Variants in SPRY3 observed in about 807,000 individuals in gnomAD.
SPRY3 encodes the protein sprouty RTK signaling antagonist 3.
In SPRY3, 15 loss-of-function variants were observed where a neutral mutation model predicts 20.2. That is an observed-to-expected ratio of 0.74 (90% CI 0.50 to 1.14). The LOEUF is 1.14. Ranked by LOEUF, SPRY3 falls within the 50% of genes most tolerant of loss-of-function variation. The pLI, the probability that SPRY3 is intolerant of heterozygous loss-of-function variation, is 0.00. For missense variants in SPRY3, 364 were observed against 363.9 expected (o/e 1.00, Z 0.00); for synonymous variants, 143 against 136.5 (o/e 1.05, Z -0.33).
chrX:155,780,728 G>A (rs183797696), downstream of SPRY3: 6 of 166,918 alleles, frequency 3.6e-5, no homozygotes, highest in Admixed American at 3.9e-4. Context: ...CTTTACTCGT[G>A]AATTTTTTTC....
intron 2 of SPRY3, among the ~76,000 whole-genome samples, chrX:155,741,961 C>A (rs2091206079): frequency 6.6e-6 from 1 of 152,140 alleles, no homozygotes; most frequent in Non-Finnish European, 1.5e-5. Context: ...AACCAGCTAG[C>A]ATCATGATGA....
downstream of SPRY3, chrX:155,778,519 A>T (rs1470894411): frequency 7.9e-6 from 1 of 126,980 alleles, no homozygotes; most frequent in Non-Finnish European, 1.8e-5. Flanking sequence ...GGCCAGGGAA[A>T]ACTAATTCAA....
chrX:155,614,763 G>A (rs188599117), intron 1 of SPRY3, among the ~76,000 whole-genome samples: 2 of 110,138 alleles, frequency 1.8e-5, no homozygotes, highest in Non-Finnish European at 3.8e-5. Context: ...TCCTCTCTCT[G>A]TGTGTGTGTG....
At chrX:155,757,280 A>C (rs1307789811) in intron 2 of SPRY3, among the ~76,000 whole-genome samples, 3 of 151,922 alleles carry the variant, frequency 2.0e-5, no homozygotes, top group Non-Finnish European at 4.4e-5. Flanking sequence ...CATCAAGTAC[A>C]TTCTGGCCTC....
intron 2 of SPRY3, among the ~76,000 whole-genome samples, chrX:155,739,309 T>G (rs2091189839): frequency 6.6e-6 from 1 of 151,948 alleles, no homozygotes; most frequent in Non-Finnish European, 1.5e-5. Flanking sequence ...AACTCTGATC[T>G]CTCCCTGAGA....
chrX:155,711,306 C>G (rs1326765175), intron 2 of SPRY3, among the ~76,000 whole-genome samples: 1 of 151,542 alleles, frequency 6.6e-6, no homozygotes, highest in Admixed American at 6.6e-5. Flanking sequence ...TACTGGGAGA[C>G]TTTTTATTAC....
intron 1 of SPRY3, among the ~76,000 whole-genome samples, chrX:155,615,578 C>T (rs1354969758): frequency 1.8e-5 from 2 of 111,865 alleles, no homozygotes; most frequent in Non-Finnish European, 3.8e-5. Context: ...GGACACAGTG[C>T]AATGTTGAAT....
intron 2 of SPRY3, among the ~76,000 whole-genome samples, chrX:155,736,816 G>A (rs780421498): frequency 6.6e-6 from 1 of 151,598 alleles, no homozygotes; most frequent in African/African-American, 2.4e-5. Context: ...CTTCTTCTGG[G>A]ATTCCTATTA....
chrX:155,766,758 G>A (rs1162741642), intron 2 of SPRY3, among the ~76,000 whole-genome samples: 3 of 152,146 alleles, frequency 2.0e-5, no homozygotes, highest in African/African-American at 7.2e-5. Flanking sequence ...TCAGTCCCAG[G>A]GAGGCTGCAT....
chrX:155,758,290 T>C (rs994378814), intron 2 of SPRY3, among the ~76,000 whole-genome samples: 1 of 152,192 alleles, frequency 6.6e-6, no homozygotes, highest in Admixed American at 6.5e-5. Context: ...GTGTCACAGA[T>C]AAGGAAAATA....
At chrX:155,709,773 C>T (rs903141337) in intron 2 of SPRY3, among the ~76,000 whole-genome samples, 2 of 151,822 alleles carry the variant, frequency 1.3e-5, no homozygotes, top group South Asian at 2.1e-4. Flanking sequence ...CCAATGTTTT[C>T]TTGTAGTAGT....
intron 2 of SPRY3, among the ~76,000 whole-genome samples, chrX:155,704,030 C>T (rs5940560): frequency 0.029 from 4,464 of 151,820 alleles, 83 homozygotes; most frequent in Non-Finnish European, 0.042. Context: ...GAAGGAAAGG[C>T]GTGTGCATTT....
At chrX:155,758,835 TTATGTC>T (rs1197519410) in intron 2 of SPRY3, among the ~76,000 whole-genome samples, 1 of 152,210 alleles carries the variant, frequency 6.6e-6, no homozygotes, top group Non-Finnish European at 1.5e-5. Context: ...AGTTGGTTCT[TTATGTC>T]TAATCTATTT....
In SPRY3 at chrX:155,770,628, TTCTCTCTCTC is replaced by T. The variant is rs371698358; in HGVS notation, c.-107+2511_-107+2520del. ...TATTTAATAATATGTGATGTGTACATTCTCTCTCTCTCTCTCTCTCTCTCTCTCATTTGAT... is the reference window on the plus strand; with the variant it reads ...TATTTAATAATATGTGATGTGTACATTCTCTCTCTCTCTCTCTCATTTGAT... On this transcript the variant is annotated intron_variant, in intron 3 of 3. Transcript: ENST00000675360. Among the ~76,000 whole-genome samples the T allele has an allele frequency of 1.8e-3, 260 of 146,546 alleles. 1 individual carries two copies. The highest frequency in any genetic ancestry group is 5.9e-3 in the African/African-American group (233 of 39,774).
intron 2 of SPRY3, among the ~76,000 whole-genome samples, chrX:155,718,085 A>T (rs2091034230): frequency 6.6e-6 from 1 of 152,174 alleles, no homozygotes; most frequent in South Asian, 2.1e-4. Flanking sequence ...AATTTATAGC[A>T]GATTTTCATA....
At chrX:155,723,400 C>T (rs1437160750) in intron 2 of SPRY3, among the ~76,000 whole-genome samples, 1 of 152,158 alleles carries the variant, frequency 6.6e-6, no homozygotes, top group Non-Finnish European at 1.5e-5. Flanking sequence ...CTCCCACCAA[C>T]AGTATAAAAG....
chrX:155,692,169 TAAATGGGTAC>T (rs1697592131), intron 2 of SPRY3, among the ~76,000 whole-genome samples: 1 of 109,679 alleles, frequency 9.1e-6, no homozygotes, highest in African/African-American at 3.4e-5. Context: ...GAGGGAATAG[TAAATGGGTAC>T]AGCTTTATAT....
At chrX:155,692,227 TTGTGTACAC>T (rs772826215) in intron 2 of SPRY3, among the ~76,000 whole-genome samples, 1 of 111,252 alleles carries the variant, frequency 9.0e-6, no homozygotes, top group African/African-American at 3.3e-5. Flanking sequence ...GAGTTAAATT[TTGTGTACAC>T]TGTGAGGCAA....
intron 2 of SPRY3, among the ~76,000 whole-genome samples, chrX:155,733,795 T>G (rs2091150433): frequency 6.6e-6 from 1 of 152,138 alleles, no homozygotes; most frequent in South Asian, 2.1e-4. Flanking sequence ...CTGAGCTAGA[T>G]CTTCTGCAGC....
Sources: allele counts gnomAD v4.1 joint callset (sites outside exome capture counted in the v4.1 genomes callset), GRCh38; gene constraint gnomAD v4.1.1; transcripts MANE v1.5; gene names NCBI Gene and HGNC (gene_info 2026-07-23, HGNC 2026-07-21).